ADAM23: variants seen among roughly 807,000 people sequenced by gnomAD.
ADAM23 encodes disintegrin and metalloproteinase domain-containing protein 23.
Under a neutral mutation model 120.1 loss-of-function variants are expected in ADAM23, and 33 were observed. The observed-to-expected ratio is 0.27, with a 90% CI of 0.21 to 0.37. The LOEUF (loss-of-function observed/expected upper bound fraction) is 0.37. ADAM23 is among the 10% of genes least tolerant of loss of function. The pLI is 1.00. For missense variants in ADAM23, 862 were observed against 1,058.2 expected (o/e 0.81, Z 2.57); for synonymous variants, 367 against 375.2 (o/e 0.98, Z 0.25).
At chr2:206,497,944 A>G (rs1270497783) in intron 3 of ADAM23, among the ~76,000 whole-genome samples, 1 of 152,182 alleles carries the variant, frequency 6.6e-6, no homozygotes, top group African/African-American at 2.4e-5. Context: ...TCCAACTTAC[A>G]AGGGATGTGA....
intron 6 of ADAM23, among the ~76,000 whole-genome samples, chr2:206,544,169 G>T (rs2105808621): frequency 6.6e-6 from 1 of 152,290 alleles, no homozygotes; most frequent in South Asian, 2.1e-4. Flanking sequence ...TTAGACAATT[G>T]TGTGACTATA....
intron 21 of ADAM23, among the ~76,000 whole-genome samples, chr2:206,589,797 A>G (rs1698391371): frequency 6.6e-6 from 1 of 152,224 alleles, no homozygotes; most frequent in African/African-American, 2.4e-5. Context: ...TTGCCAGAGC[A>G]TTACAAATTA....
At chr2:206,572,987 C>G (rs1698035112) in intron 17 of ADAM23, 128 bp from the exon 18 acceptor site, 1 of 897,338 alleles carries the variant, frequency 1.1e-6, no homozygotes, top group Non-Finnish European at 1.8e-6. Context: ...TTCTGTCTTG[C>G]TAATTCTTAA....
At position 206,443,868 on chromosome 2, in the gene ADAM23, TGAA is replaced by T; in HGVS notation, c.4_6del (p.Lys2?). The T allele has an allele frequency of 8.8e-7, 1 of 1,138,672 alleles. No homozygotes were observed. Among genetic ancestry groups the T allele is most frequent in the Non-Finnish European group, 1.1e-6 (1 of 930,824 alleles). 70.5% of individuals were successfully genotyped at this position (1,138,672 alleles called of 1,614,324 possible). Reference sequence around the variant, plus strand: ...AGCGGCGCCCGGGAGCTATGAGCCATGAAGCCGCCCGGCAGCAGCTCGCGGCAG... The same window carrying T: ...AGCGGCGCCCGGGAGCTATGAGCCATGCCGCCCGGCAGCAGCTCGCGGCAG... On this transcript the variant is annotated start_lost and inframe_deletion, in exon 1 of 26. Transcript: ENST00000264377.
At chr2:206,590,100 C>G (rs1423871801) in intron 21 of ADAM23, among the ~76,000 whole-genome samples, 2 of 151,678 alleles carry the variant, frequency 1.3e-5, no homozygotes, top group South Asian at 2.1e-4. Context: ...TTCTTTCTCC[C>G]TTTCTTTTTT....
chr2:206,561,358 A>G (rs1399960569), intron 12 of ADAM23, 146 bp downstream of exon 12: 4 of 705,450 alleles, frequency 5.7e-6, no homozygotes, highest in Non-Finnish European at 7.1e-6. Context: ...ATAGAACCCA[A>G]CGTGGTCCTT....
intron 4 of ADAM23, among the ~76,000 whole-genome samples, chr2:206,541,769 C>T (rs966081600): frequency 3.3e-5 from 5 of 152,152 alleles, no homozygotes; most frequent in African/African-American, 1.2e-4. Context: ...TACCTGTACT[C>T]CTACAATACA....
rs562180771 is a variant in ADAM23, at chr2:206,487,845, A to G, written c.509+6537A>G. On this transcript the variant is annotated intron_variant, in intron 3 of 25. Coordinates refer to ENST00000264377, the MANE Select transcript of ADAM23 (RefSeq NM_003812.4). ...ACATGTCTTTGTACATTCATCTTGAATGATGCCCAGGGAGAACTCCGGGTG... is the reference window on the plus strand; with the variant it reads ...ACATGTCTTTGTACATTCATCTTGAGTGATGCCCAGGGAGAACTCCGGGTG... 1.1e-3 allele frequency among the ~76,000 whole-genome samples: 162 copies of G among 152,322 alleles called. 1 individual carries two copies. Among genetic ancestry groups the G allele is most frequent in the Admixed American group, 4.8e-3 (73 of 15,304 alleles).
At chr2:206,549,799 C>G (rs1697475476) in intron 8 of ADAM23, among the ~76,000 whole-genome samples, 1 of 151,830 alleles carries the variant, frequency 6.6e-6, no homozygotes, top group East Asian at 1.9e-4. Flanking sequence ...TATAATTTTT[C>G]TCTAGAATAT....
At chr2:206,531,390 C>A (rs1413108620) in intron 4 of ADAM23, among the ~76,000 whole-genome samples, 1 of 152,126 alleles carries the variant, frequency 6.6e-6, no homozygotes, top group African/African-American at 2.4e-5. Flanking sequence ...ACCTTCATAA[C>A]AATTCTATGA....
At chr2:206,516,234 A>T (rs1255307053) in intron 3 of ADAM23, among the ~76,000 whole-genome samples, 3 of 140,370 alleles carry the variant, frequency 2.1e-5, no homozygotes, top group African/African-American at 5.3e-5. Context: ...CATTTTTATT[A>T]AAAAAAAAAA....
At chr2:206,488,896 C>T (rs559594152) in intron 3 of ADAM23, among the ~76,000 whole-genome samples, 1 of 152,286 alleles carries the variant, frequency 6.6e-6, no homozygotes, top group East Asian at 1.9e-4. Context: ...TGGGGTGAGT[C>T]AGGACTGGTG....
chr2:206,540,360 G>A (rs368502770), intron 4 of ADAM23, among the ~76,000 whole-genome samples: 20 of 151,998 alleles, frequency 1.3e-4, no homozygotes, highest in East Asian at 9.7e-4. Context: ...GCATATAGAG[G>A]GCTGACTTTC....
chr2:206,566,235 A>G (rs1697875468), intron 14 of ADAM23, among the ~76,000 whole-genome samples: 1 of 149,956 alleles, frequency 6.7e-6, no homozygotes, highest in Non-Finnish European at 1.5e-5. Context: ...AATGTTTTAA[A>G]TAAGATAAAA....
Position 206,557,408 on chromosome 2 carries a change from G to A in ADAM23, c.934-19G>A. 6.3e-7 allele frequency: 1 copy of A among 1,598,446 alleles called. No individual in the cohort carries two copies. Among genetic ancestry groups the A allele is most frequent in the Non-Finnish European group, 8.6e-7 (1 of 1,166,060 alleles). On this transcript the variant is annotated intron_variant, in intron 9 of 25. Coordinates refer to ENST00000264377, the MANE Select transcript of ADAM23 (RefSeq NM_003812.4). ...TTCACTTATGATTTGGCAGTGACTGGTATGTATTTCCCCCCTAGTATAAGA... is the reference window on the plus strand; with the variant it reads ...TTCACTTATGATTTGGCAGTGACTGATATGTATTTCCCCCCTAGTATAAGA...
intron 24 of ADAM23, 99 bp downstream of exon 24, chr2:206,596,261 T>G (rs1698523545): frequency 1.2e-6 from 1 of 827,578 alleles, no homozygotes; most frequent in East Asian, 2.7e-5. Flanking sequence ...AGGAGACACA[T>G]AAGAATATCT....
chr2:206,465,619 T>C lies in ADAM23; in HGVS notation c.433-15613T>C, dbSNP rs556339912. On this transcript the variant is annotated intron_variant, in intron 2 of 25. Transcript: ENST00000264377. ...TGGCTAATTAAATATTGCCCAGATA[T>C]AGTTATTTGCTTATTTCAGGTAATT... 3.2e-3 allele frequency among the ~76,000 whole-genome samples: 490 copies of C among 152,322 alleles called. 3 individuals are homozygous for C. Among genetic ancestry groups the C allele is most frequent in the African/African-American group, 0.011 (464 of 41,576 alleles).
chr2:206,616,988 T>G (rs1292398709), intron 25 of ADAM23, among the ~76,000 whole-genome samples: 2 of 152,200 alleles, frequency 1.3e-5, no homozygotes, highest in Non-Finnish European at 2.9e-5. Context: ...CCACTCTCCT[T>G]TGAGTGTACT....
chr2:206,444,460 A>G (rs1695034917), intron 1 of ADAM23, among the ~76,000 whole-genome samples: 1 of 152,092 alleles, frequency 6.6e-6, no homozygotes, highest in South Asian at 2.1e-4. Context: ...ATGTAGTGAT[A>G]ATAGTGGTAA....
Sources: allele counts gnomAD v4.1 joint callset (sites outside exome capture counted in the v4.1 genomes callset), GRCh38; gene constraint gnomAD v4.1.1; transcripts MANE v1.5; gene names NCBI Gene and HGNC (gene_info 2026-07-23, HGNC 2026-07-21).